Variants in SFMBT2 observed in about 807,000 individuals in gnomAD.
SFMBT2 encodes Scm like with four mbt domains 2.
Under a neutral mutation model 110.1 loss-of-function variants are expected in SFMBT2, and 38 were observed. That is an observed-to-expected ratio of 0.35 (90% CI 0.27 to 0.45). SFMBT2 has a LOEUF of 0.45. Among genes scored for constraint, SFMBT2 ranks in the 20% least tolerant of loss-of-function variants. The pLI, the probability that SFMBT2 is intolerant of heterozygous loss-of-function variation, is 1.00. For missense variants in SFMBT2, 1,011 were observed against 1,094.9 expected, an observed-to-expected ratio of 0.92 and a Z score of 1.08; for synonymous variants, 425 against 425.4, an observed-to-expected ratio of 1.00 and a Z score of 0.01.
At chr10:7,200,392 C>T in intron 14 of SFMBT2, 22 bp downstream of exon 14, 2 of 1,551,180 alleles carry the variant, frequency 1.3e-6, no homozygotes, top group Non-Finnish European at 1.7e-6. Flanking sequence ...GGCACAGAGA[C>T]CCCCTAAATG....
At chr10:7,200,695 G>C (rs146020438) in intron 13 of SFMBT2, among the ~76,000 whole-genome samples, 2 of 152,354 alleles carry the variant, frequency 1.3e-5, no homozygotes, top group South Asian at 2.1e-4. Flanking sequence ...GATGGCCCAA[G>C]AAAGCCTGAG....
chr10:7,285,187 TG>T (rs2131844130), intron 5 of SFMBT2: 1 of 152,370 alleles, frequency 6.6e-6, no homozygotes, highest in South Asian at 2.1e-4. Flanking sequence ...TAATTACTTA[TG>T]ACACAGTGCC....
At chr10:7,298,194 T>C (rs916154455) in intron 4 of SFMBT2, among the ~76,000 whole-genome samples, 51 of 152,204 alleles carry the variant, frequency 3.4e-4, no homozygotes, top group African/African-American at 1.2e-3. Flanking sequence ...ACAGCCAGCC[T>C]CTGCAGGGTA....
At chr10:7,267,598 T>C (rs951595793) in intron 7 of SFMBT2, among the ~76,000 whole-genome samples, 10 of 152,190 alleles carry the variant, frequency 6.6e-5, no homozygotes, top group Non-Finnish European at 1.5e-4. Context: ...GGTTTCACCA[T>C]GTTGGCCAGG....
intron 11 of SFMBT2, among the ~76,000 whole-genome samples, chr10:7,218,296 T>C (rs1185604437): frequency 1.3e-5 from 2 of 152,088 alleles, no homozygotes; most frequent in Non-Finnish European, 2.9e-5. Context: ...AAAACTGAAA[T>C]AATGAGAGCT....
chr10:7,368,744 G>A (rs1844983189), intron 3 of SFMBT2, among the ~76,000 whole-genome samples: 1 of 152,196 alleles, frequency 6.6e-6, no homozygotes, highest in African/African-American at 2.4e-5. Flanking sequence ...AACTGCCTAA[G>A]GCAACTGCCA....
At chr10:7,204,386 AGTT>A (rs1839059794) in intron 12 of SFMBT2, 2 of 985,312 alleles carry the variant, frequency 2.0e-6, no homozygotes, top group African/African-American at 3.5e-5. Context: ...GAAGAAGTAA[AGTT>A]GGTGCCTAAA....
chr10:7,235,346 A>G (rs10905127), intron 9 of SFMBT2, among the ~76,000 whole-genome samples: 36,739 of 152,082 alleles, frequency 0.24, 4,793 homozygotes, highest in South Asian at 0.38. Flanking sequence ...CACTGAAATT[A>G]GTTCATAATC....
intron 9 of SFMBT2, 127 bp from the exon 10 acceptor site, chr10:7,228,064 C>A: frequency 1.6e-6 from 1 of 627,124 alleles, no homozygotes; most frequent in Non-Finnish European, 2.7e-6. Flanking sequence ...AACAGCACTT[C>A]AGATTTCATA....
At position 7,243,598 on chromosome 10, in the gene SFMBT2, C is replaced by A; in HGVS notation, c.1080G>T (p.Gln360His). Residue 360 changes from glutamine (Q) to histidine (H), a missense_variant, in exon 9 of 21, where the codon CAG (glutamine) becomes CAT (histidine). This residue lies in a region of SFMBT2 where 979 missense variants were observed against 1,016.1 expected (regional missense o/e 0.96). Transcript: ENST00000397167. Reference protein sequence around the residue: ...HADSLGILPVQWCLKNGVSLT... With the variant: ...HADSLGILPVHWCLKNGVSLT... ...GGCTGACTCCATTTTTAAGGCACCA[C>A]TGTACTGGCAAAATCCCCAAAGAAT... The A allele has an allele frequency of 1.1e-6, 1 of 872,948 alleles. No homozygotes were observed. The highest frequency in any genetic ancestry group is 1.3e-5 in the South Asian group (1 of 76,540). The allele number at this position is 872,948 out of a possible 1,614,324, so 54.1% of individuals were successfully genotyped here. A position where few individuals can be genotyped will look rare whatever the true frequency, so the allele number is the denominator to read the frequency against.
At chr10:7,246,862 A>T (rs940896704) in intron 8 of SFMBT2, among the ~76,000 whole-genome samples, 5 of 152,176 alleles carry the variant, frequency 3.3e-5, no homozygotes, top group African/African-American at 4.8e-5. Context: ...GGCAGCCGGC[A>T]TGACTGCAGC....
At chr10:7,210,200 C>T in intron 11 of SFMBT2, among the ~76,000 whole-genome samples, 1 of 152,202 alleles carries the variant, frequency 6.6e-6, no homozygotes, top group South Asian at 2.1e-4. Flanking sequence ...GCCGATGACA[C>T]AGGTGACTGT....
chr10:7,251,131 A>G (rs1840792388), intron 7 of SFMBT2, among the ~76,000 whole-genome samples: 1 of 151,950 alleles, frequency 6.6e-6, no homozygotes, highest in African/African-American at 2.4e-5. Context: ...ACCCCAAAGT[A>G]TGTACATCTA....
chr10:7,373,767 GC>G (rs1420266314), intron 2 of SFMBT2, among the ~76,000 whole-genome samples: 1 of 152,160 alleles, frequency 6.6e-6, no homozygotes, highest in African/African-American at 2.4e-5. Context: ...GGAAGCCGTG[GC>G]CACCTGCGAA....
intron 4 of SFMBT2, among the ~76,000 whole-genome samples, chr10:7,328,448 C>T (rs12257371): frequency 0.38 from 57,014 of 151,968 alleles, 10,957 homozygotes; most frequent in African/African-American, 0.48. Context: ...TTTAAGTGTC[C>T]TTCACACAGG....
intron 4 of SFMBT2, among the ~76,000 whole-genome samples, chr10:7,317,691 C>T (rs193012646): frequency 6.7e-6 from 1 of 148,714 alleles, no homozygotes; most frequent in East Asian, 2.0e-4. Context: ...CTTCTGGCCA[C>T]GCTGACCTGG....
intron 4 of SFMBT2, among the ~76,000 whole-genome samples, chr10:7,314,464 G>A (rs1462682035): frequency 6.6e-6 from 1 of 152,196 alleles, no homozygotes; most frequent in South Asian, 2.1e-4. Context: ...GAATGAACAA[G>A]CACTACCTGT....
chr10:7,206,743 G>C, intron 11 of SFMBT2: 1 of 713,370 alleles, frequency 1.4e-6, no homozygotes, highest in Non-Finnish European at 1.7e-6. Flanking sequence ...GTTTCAAGGA[G>C]CTCTGGCTAT....
chr10:7,260,064 T>A (rs928695021), intron 7 of SFMBT2, among the ~76,000 whole-genome samples: 2 of 152,202 alleles, frequency 1.3e-5, no homozygotes, highest in African/African-American at 4.8e-5. Context: ...GTGCTTTGCA[T>A]GCACAGGACA....
Sources: gnomAD v4.1 joint callset for allele counts (sites outside exome capture counted in the v4.1 genomes callset) on GRCh38, gnomAD v4.1.1 for gene constraint, gnomAD v4.1.1 regional missense constraint, MANE v1.5 for transcripts, NCBI Gene and HGNC (gene_info 2026-07-23, HGNC 2026-07-21) for gene names.